EXT1: variants seen among roughly 807,000 people sequenced by gnomAD.
The protein encoded by EXT1 is exostosin-1.
EXT1 carries 20 observed loss-of-function variants against 82.5 expected under a neutral mutation model. That is an observed-to-expected ratio of 0.24 (90% CI 0.17 to 0.35). The LOEUF (loss-of-function observed/expected upper bound fraction) is 0.35. Among genes scored for constraint, EXT1 ranks in the 10% least tolerant of loss-of-function variants. The pLI is 1.00. For missense variants in EXT1, 757 were observed against 936.5 expected (o/e 0.81, Z 2.50); for synonymous variants, 348 against 350.8 (o/e 0.99, Z 0.09).
intron 1 of EXT1, among the ~76,000 whole-genome samples, chr8:117,890,249 T>C (rs569208149): frequency 4.6e-5 from 7 of 152,210 alleles, no homozygotes; most frequent in Non-Finnish European, 8.8e-5. Flanking sequence ...CAAGTGATAA[T>C]ATAAAGTTTG....
At chr8:117,860,340 G>T (rs1411162950) in intron 1 of EXT1, among the ~76,000 whole-genome samples, 2 of 151,994 alleles carry the variant, frequency 1.3e-5, no homozygotes, top group Admixed American at 6.6e-5. Flanking sequence ...ACACATACTG[G>T]AGACTCCTCA....
chr8:117,873,468 T>A (rs1812911257), intron 1 of EXT1, among the ~76,000 whole-genome samples: 1 of 148,682 alleles, frequency 6.7e-6, no homozygotes, highest in Non-Finnish European at 1.5e-5. Context: ...TTTTTTTTTT[T>A]TTTTTGAGAC....
At chr8:117,932,546 C>T (rs1222826733) in intron 1 of EXT1, among the ~76,000 whole-genome samples, 1 of 152,144 alleles carries the variant, frequency 6.6e-6, no homozygotes, top group African/African-American at 2.4e-5. Context: ...AAACATAGTA[C>T]TGCCCGCTCA....
At chr8:118,009,186 T>C (rs2447531) in intron 1 of EXT1, among the ~76,000 whole-genome samples, 84,624 of 151,934 alleles carry the variant, frequency 0.56, 23,770 homozygotes, top group African/African-American at 0.64. Context: ...GGTGAAAGGG[T>C]CCCCTGAGCT....
intron 1 of EXT1, among the ~76,000 whole-genome samples, chr8:118,040,109 T>C (rs1816502044): frequency 6.6e-6 from 1 of 152,200 alleles, no homozygotes; most frequent in Non-Finnish European, 1.5e-5. Context: ...CTTCTCATTA[T>C]GGTGAGAAAC....
rs541533285 is a variant in EXT1 at position 118,014,692 on chromosome 8, A to G, written c.962+95393T>C. 3.3e-5 allele frequency among the ~76,000 whole-genome samples: 5 copies of G among 152,194 alleles called. No individual in the cohort carries two copies. The East Asian group carries it at 5.8e-4, about 18-fold the overall frequency. On this transcript the variant is annotated intron_variant, in intron 1 of 10. Transcript: ENST00000378204. ...TGGGCTCAAGTGATCCCCTCGCCTC[A>G]GCCCCGAAAGTGCTGGGATTATAGG... is the stretch of plus-strand genomic sequence containing the variant.
At chr8:117,962,686 G>C (rs1173684209) in intron 1 of EXT1, among the ~76,000 whole-genome samples, 4 of 152,042 alleles carry the variant, frequency 2.6e-5, no homozygotes, top group Non-Finnish European at 5.9e-5. Flanking sequence ...CTGCGAGACA[G>C]AGGTTACAGT....
At chr8:117,846,049 A>G (rs73706427) in intron 1 of EXT1, among the ~76,000 whole-genome samples, 13,423 of 152,240 alleles carry the variant, frequency 0.088, 779 homozygotes, top group African/African-American at 0.16. Context: ...CATCGTGCCC[A>G]TGACATTAAT....
chr8:117,898,886 G>A (rs966691018), intron 1 of EXT1, among the ~76,000 whole-genome samples: 1 of 151,736 alleles, frequency 6.6e-6, no homozygotes, highest in African/African-American at 2.4e-5. Context: ...AATCAGGTCA[G>A]TAAATAGTCA....
chr8:117,854,931 T>G (rs528460911), intron 1 of EXT1, among the ~76,000 whole-genome samples: 2 of 152,228 alleles, frequency 1.3e-5, no homozygotes. Context: ...TAGGTATAAA[T>G]GAAATCTTTC....
intron 1 of EXT1, among the ~76,000 whole-genome samples, chr8:118,073,446 C>T (rs957337421): frequency 5.9e-5 from 9 of 152,102 alleles, no homozygotes; most frequent in Non-Finnish European, 2.9e-5. Flanking sequence ...CATGGCAAAA[C>T]CCCACCTCTA....
intron 1 of EXT1, among the ~76,000 whole-genome samples, chr8:118,066,367 T>TATTTATTTTTTTTTTA (rs1816987951): frequency 6.7e-6 from 1 of 148,722 alleles, no homozygotes; most frequent in Non-Finnish European, 1.5e-5. Context: ...TTTATTTATT[T>TATTTATTTTTTTTTTA]ATTTATTTAT....
intron 1 of EXT1, among the ~76,000 whole-genome samples, chr8:117,960,315 G>GT (rs1814674976): frequency 6.6e-6 from 1 of 152,160 alleles, no homozygotes; most frequent in Non-Finnish European, 1.5e-5. Context: ...ACTTTTCATG[G>GT]TAAAACTTGA....
At chr8:118,011,578 T>C (rs1211602977) in intron 1 of EXT1, among the ~76,000 whole-genome samples, 1 of 152,196 alleles carries the variant, frequency 6.6e-6, no homozygotes, top group Non-Finnish European at 1.5e-5. Flanking sequence ...GCATGACTAA[T>C]GCTATTTCAG....
chr8:117,943,859 A>T (rs1814334714), intron 1 of EXT1, among the ~76,000 whole-genome samples: 1 of 152,092 alleles, frequency 6.6e-6, no homozygotes, highest in South Asian at 2.1e-4. Flanking sequence ...TTCTAGTGTC[A>T]TTCCTGTTTT....
intron 1 of EXT1, among the ~76,000 whole-genome samples, chr8:118,022,640 A>G (rs1816128981): frequency 6.8e-6 from 1 of 147,220 alleles, no homozygotes; most frequent in Non-Finnish European, 1.5e-5. Flanking sequence ...GCCTGGCCCA[A>G]AAAAAAAAAA....
chr8:117,950,400 G>A (rs554943096), intron 1 of EXT1, among the ~76,000 whole-genome samples: 164 of 152,240 alleles, frequency 1.1e-3, no homozygotes, highest in Non-Finnish European at 1.6e-3. Flanking sequence ...AGCCAAATGC[G>A]GATTTACACT....
At chr8:117,837,499 T>C (rs908917609) in intron 1 of EXT1, among the ~76,000 whole-genome samples, 5 of 152,170 alleles carry the variant, frequency 3.3e-5, no homozygotes, top group African/African-American at 9.7e-5. Flanking sequence ...CAAAATCAGA[T>C]TTTTAAGTCT....
intron 1 of EXT1, among the ~76,000 whole-genome samples, chr8:117,845,151 A>G (rs1812332642): frequency 6.6e-6 from 1 of 152,194 alleles, no homozygotes; most frequent in Non-Finnish European, 1.5e-5. Flanking sequence ...AGGGAGGCAG[A>G]TAACATTTTG....
Sources: allele counts gnomAD v4.1 joint callset (sites outside exome capture counted in the v4.1 genomes callset), GRCh38; gene constraint gnomAD v4.1.1; transcripts MANE v1.5; gene names NCBI Gene and HGNC (gene_info 2026-07-23, HGNC 2026-07-21).